The following MUC4 variants were observed in gnomAD, a reference collection of about 807,000 sequenced individuals.
The protein encoded by MUC4 is mucin 4, cell surface associated, also known as mucin-4.
In MUC4, 202 loss-of-function variants were observed where a neutral mutation model predicts 257.9. The observed-to-expected ratio is 0.78, with a 90% confidence interval of 0.70 to 0.88. The LOEUF is 0.88. Ranked by LOEUF, MUC4 falls within the 40% of genes least tolerant of loss-of-function variation. The pLI, the probability that MUC4 is intolerant of heterozygous loss-of-function variation, is 0.00. For synonymous variants in MUC4, 2,351 were observed against 2,757.1 expected (o/e 0.85, Z 4.62); for missense variants, 5,976 against 6,513.7 (o/e 0.92, Z 2.84).
At position 195,762,769 on chromosome 3, in the gene MUC4, C is replaced by G. The variant is rs1241894855; in HGVS notation, c.14344+86G>C. 3.1e-6 allele frequency: 4 copies of G among 1,291,408 alleles called. No homozygotes were observed. The African/African-American group carries it at 6.3e-5, about 20-fold the overall frequency. The allele number at this position is 1,291,408 out of a possible 1,614,324, so 80.0% of individuals were successfully genotyped here. ...ACGCACCCGGCCCTGCACCGCCACG[C>G]GCCCGGCCCTGCACCGCAACGCGGC... On this transcript the variant is annotated intron_variant, in intron 13 of 24. Coordinates refer to ENST00000463781, the MANE Select transcript of MUC4 (RefSeq NM_018406.7).
chr3:195,789,466 G>A lies in MUC4; in HGVS notation c.2114C>T (p.Thr705Ile), dbSNP rs1733574281. ...FAPAPTGDGH[T>I]TQAPTTALQA... Reference sequence around the variant, plus strand: ...CAGTGCTGTGGTCGGGGCCTGGGTTGTGTGACCATCCCCGGTGGGAGCTGG... The same window carrying A: ...CAGTGCTGTGGTCGGGGCCTGGGTTATGTGACCATCCCCGGTGGGAGCTGG... The change falls in exon 2 of 25, where the codon ACA becomes ATA. Residue 705 changes from threonine (T) to isoleucine (I), a missense_variant. By Grantham distance (89) the Thr-to-Ile change is moderately conservative. Coordinates refer to ENST00000463781, the MANE Select transcript of MUC4 (RefSeq NM_018406.7). 1.9e-6 allele frequency: 3 copies of A among 1,613,856 alleles called. No individual in the cohort carries two copies. Among genetic ancestry groups the A allele is most frequent in the South Asian group, 2.2e-5 (2 of 91,090 alleles).
In MUC4 at chr3:195,764,181, T is replaced by G; in HGVS notation, c.13925-17A>C. The G allele has an allele frequency of 2.6e-6, 4 of 1,555,512 alleles. No individual in the cohort carries two copies. The highest frequency in any genetic ancestry group is 3.5e-6 in the Non-Finnish European group (4 of 1,149,718). ...GTTCCTGGGCTGCGGAGAACAGCAGTGAGTCGGGGAGGTTGAGGACCTGGA... is the reference window on the plus strand; with the variant it reads ...GTTCCTGGGCTGCGGAGAACAGCAGGGAGTCGGGGAGGTTGAGGACCTGGA... On this transcript the variant is annotated splice_polypyrimidine_tract_variant and intron_variant, in intron 10 of 24. Transcript: ENST00000463781.
intron 4 of MUC4, 45 bp downstream of exon 4, chr3:195,774,127 T>C (rs568274722): frequency 1.3e-6 from 2 of 1,552,498 alleles, no homozygotes; most frequent in African/African-American, 1.4e-5. Flanking sequence ...GAGAGAGAAG[T>C]GGGCCCTGGG....
Position 195,770,936 on chromosome 3 carries a change from T to C in MUC4, c.13243-565A>G, listed in dbSNP as rs757174784. On this transcript the variant is annotated intron_variant, in intron 5 of 24. Transcript: ENST00000463781. ...TTGTCAGCCCCCATCCCCCGTCACC[T>C]GTAGGTCTTCTCGTGGCCGGGTTGG... 3.1e-5 allele frequency: 14 copies of C among 451,892 alleles called. 1 individual carries two copies. The highest frequency in any genetic ancestry group is 2.0e-4 in the South Asian group (13 of 64,280). 28.0% of individuals were successfully genotyped at this position (451,892 alleles called of 1,614,324 possible).
In MUC4 at chr3:195,757,472, G is replaced by T; in HGVS notation, c.14987-144C>A. On this transcript the variant is annotated intron_variant, in intron 17 of 24. Transcript: ENST00000463781. The surrounding 1 kb of genome is among the most constrained non-coding windows in gnomAD (Gnocchi z 4.8). ...CTCATTGGTCATTTCCTTTGAGCAA[G>T]GCTGGTATCGGGGGTGATCCTGGTC... is the stretch of plus-strand genomic sequence containing the variant. The T allele has an allele frequency of 1.3e-6, 1 of 778,060 alleles. No homozygotes were observed. Among genetic ancestry groups the T allele is most frequent in the Non-Finnish European group, 2.0e-6 (1 of 489,740 alleles). 48.2% of individuals were successfully genotyped at this position (778,060 alleles called of 1,614,324 possible).
At chr3:195,747,503 G>C in intron 24 of MUC4, 123 bp from the exon 25 acceptor site, 1 of 1,166,158 alleles carries the variant, frequency 8.6e-7, no homozygotes, top group Non-Finnish European at 1.2e-6. Context: ...TCTCCGGAGA[G>C]ACTGAGTCAG....
chr3:195,767,575 A>ACCATTACCATTG (rs1721148326), intron 7 of MUC4, among the ~76,000 whole-genome samples: 2 of 105,342 alleles, frequency 1.9e-5, no homozygotes, highest in South Asian at 2.6e-4. Flanking sequence ...CACCACCATC[A>ACCATTACCATTG]CCACCACCAT....
chr3:195,748,694 C>G (rs571939570), intron 24 of MUC4, among the ~76,000 whole-genome samples: 7 of 152,404 alleles, frequency 4.6e-5, no homozygotes, highest in African/African-American at 1.4e-4. Flanking sequence ...TCTAAGCCCC[C>G]CTATGGCTCT....
In MUC4 at chr3:195,790,420, A is replaced by G; in HGVS notation, c.1160T>C (p.Phe387Ser). 1 of 1,613,630 alleles carries G rather than the reference A, an allele frequency of 6.2e-7. No homozygotes were observed. The highest frequency in any genetic ancestry group is 8.5e-7 in the Non-Finnish European group (1 of 1,179,578). Residue 387 changes from phenylalanine to serine, a missense_variant, in exon 2 of 25, where the codon TTC (phenylalanine) becomes TCC (serine). Coordinates refer to ENST00000463781, the MANE Select transcript of MUC4 (RefSeq NM_018406.7). The part of the protein sequence containing the change: ...TSSPSSVSNT[F>S]LVTSKVFRMP... ...TCTGAACACCTTTGATGTTACCAGG[A>G]ATGTATTGCTGACACTGGAAGGGGA...
intron 3 of MUC4, 80 bp downstream of exon 3, chr3:195,778,223 G>A (rs892938945): frequency 1.4e-6 from 2 of 1,479,330 alleles, no homozygotes. Flanking sequence ...AGAGAGCGGA[G>A]ACTGTGGGAA....
chr3:195,746,970 AT>A lies in MUC4; in HGVS notation c.*205del. On this transcript the variant is annotated 3_prime_UTR_variant, in exon 25 of 25. Transcript: ENST00000463781. Reference sequence around the variant, plus strand: ...TGTCTGCGTGAGGACCCATCCATGCATGTTTGATCTTTATGGCCTCCCCCTG... The same window carrying A: ...TGTCTGCGTGAGGACCCATCCATGCAGTTTGATCTTTATGGCCTCCCCCTG... 1 of 725,286 alleles carries A rather than the reference AT, an allele frequency of 1.4e-6. No homozygotes were observed. Among genetic ancestry groups the A allele is most frequent in the Non-Finnish European group, 2.2e-6 (1 of 445,732 alleles). The allele number at this position is 725,286 out of a possible 1,614,324, so 44.9% of individuals were successfully genotyped here. A position where few individuals can be genotyped will look rare whatever the true frequency, so the allele number is the denominator to read the frequency against.
At chr3:195,778,595 G>A (rs1471894483) in intron 2 of MUC4, 140 bp from the exon 3 acceptor site, 8 of 1,307,238 alleles carry the variant, frequency 6.1e-6, no homozygotes, top group Admixed American at 2.6e-5. Context: ...AACTACTCTC[G>A]ACATCAGTGC....
intron 1 of MUC4, among the ~76,000 whole-genome samples, chr3:195,803,128 TGA>T (rs1179843501): frequency 6.6e-6 from 1 of 152,174 alleles, no homozygotes; most frequent in Non-Finnish European, 1.5e-5. Context: ...GCTAAAACCT[TGA>T]GAGAGACAAA....
In MUC4 at chr3:195,746,907, C is replaced by T. The variant is rs1359810359; in HGVS notation, c.*269G>A. On this transcript the variant is annotated 3_prime_UTR_variant, in exon 25 of 25. Coordinates refer to ENST00000463781, the MANE Select transcript of MUC4 (RefSeq NM_018406.7). ...ACTCGTGTGTGTGTGTGTGTGTGTG[C>T]ACGCGCGCGTGCACAGGCTAGTGTC... 29 of 559,974 alleles carry T rather than the reference C, an allele frequency of 5.2e-5. No individual in the cohort carries two copies. In the Admixed American group the frequency reaches 5.9e-4, roughly 11 times the overall value. The allele number at this position is 559,974 out of a possible 1,614,324, so 34.7% of individuals were successfully genotyped here.
intron 2 of MUC4, 32 bp downstream of exon 2, chr3:195,778,758 G>A (rs2148905378): frequency 3.2e-6 from 5 of 1,576,910 alleles, no homozygotes; most frequent in Non-Finnish European, 3.5e-6. Flanking sequence ...GGGCCCACTG[G>A]GAGACATAAA....
In MUC4 at chr3:195,791,221, G is replaced by C; in HGVS notation, c.359C>G (p.Thr120Ser). ...VMETAPPDEM[T>S]TSFPSSVTNT... ...GGTGACACTGGAGGGAAATGATGTG[G>C]TCATTTCATCTGGAGGAGCTGTCTC... is the stretch of plus-strand genomic sequence containing the variant. Residue 120 changes from threonine (T) to serine (S), a missense_variant, in exon 2 of 25, where the codon ACC becomes AGC. Physicochemically the swap from Thr to Ser is moderately conservative, Grantham distance 58. This residue lies in a region of MUC4 where 1,583 missense variants were observed against 1,257.4 expected (regional missense o/e 1.26). Transcript: ENST00000463781. 6.2e-7 allele frequency: 1 copy of C among 1,612,912 alleles called. No homozygotes were observed. The highest frequency in any genetic ancestry group is 8.5e-7 in the Non-Finnish European group (1 of 1,178,926).
At chr3:195,763,163 G>A (rs918800187) in intron 12 of MUC4, among the ~76,000 whole-genome samples, 12 of 152,228 alleles carry the variant, frequency 7.9e-5, no homozygotes, top group Non-Finnish European at 1.3e-4. Context: ...ACAACAGCCC[G>A]TGAGGCAGGT....
At position 195,774,109 on chromosome 3, in the gene MUC4, C is replaced by A. The variant is rs548234440; in HGVS notation, c.13077+63G>T. Reference sequence around the variant, plus strand: ...TTCCCGCTTCCTCTGGGTTCCGTCTCGAAGCAGGAGAGAGAAGTGGGCCCT... The same window carrying A: ...TTCCCGCTTCCTCTGGGTTCCGTCTAGAAGCAGGAGAGAGAAGTGGGCCCT... On this transcript the variant is annotated intron_variant, in intron 4 of 24. Coordinates refer to ENST00000463781, the MANE Select transcript of MUC4 (RefSeq NM_018406.7). 1,811 of 1,505,856 alleles carry A rather than the reference C, an allele frequency of 1.2e-3. 1 individual carries two copies. Among genetic ancestry groups the A allele is most frequent in the Non-Finnish European group, 1.5e-3 (1,711 of 1,129,868 alleles). 93.3% of individuals were successfully genotyped at this position (1,505,856 alleles called of 1,614,324 possible). A position where few individuals can be genotyped will look rare whatever the true frequency, so the allele number is the denominator to read the frequency against.
chr3:195,747,393 A>C lies in MUC4; in HGVS notation c.16035-13T>G. 1 of 1,612,880 alleles carries C rather than the reference A, an allele frequency of 6.2e-7. No individual in the cohort carries two copies. The highest frequency in any genetic ancestry group is 1.1e-5 in the South Asian group (1 of 91,000). On this transcript the variant is annotated splice_polypyrimidine_tract_variant and intron_variant, in intron 24 of 24. Transcript: ENST00000463781. ...GAAGGACACACAGCTGGTGACCAAG[A>C]GAGACAGACAGGCGGTCAGAGGCGG...
Sources: allele counts gnomAD v4.1 joint callset (sites outside exome capture counted in the v4.1 genomes callset), GRCh38; gene constraint gnomAD v4.1.1; regional missense constraint gnomAD v4.1.1; non-coding constraint Gnocchi (gnomAD v3.1); transcripts MANE v1.5; gene names NCBI Gene and HGNC (gene_info 2026-07-23, HGNC 2026-07-21).